Variants in RALYL observed in about 807,000 individuals in gnomAD.
The protein encoded by RALYL is RNA-binding Raly-like protein.
A neutral mutation model predicts 35.1 loss-of-function variants in RALYL; 29 were observed. The ratio of observed to expected loss-of-function variants is 0.83; its 90% CI spans 0.61 to 1.13. RALYL has a LOEUF of 1.13. RALYL is among the 50% of genes most tolerant of loss of function. The pLI is 0.00. For synonymous variants in RALYL, 120 were observed against 127.6 expected, an observed-to-expected ratio of 0.94 and a Z score of 0.40; for missense variants, 359 against 360.4, an observed-to-expected ratio of 1.00 and a Z score of 0.03.
chr8:84,912,981 A>AGGAT (rs1191228454), intron 8 of RALYL, among the ~76,000 whole-genome samples: 3,250 of 117,836 alleles, frequency 0.028, 68 homozygotes, highest in African/African-American at 0.047. Flanking sequence ...GTGCAGACCC[A>AGGAT]GGATGGATGG....
intron 1 of RALYL, among the ~76,000 whole-genome samples, chr8:84,479,085 CAAAAAAAAAAAAAAAAAAA>C (rs56799862): frequency 4.6e-4 from 10 of 21,830 alleles, no homozygotes; most frequent in East Asian, 3.0e-3. Context: ...GACTCCGTCT[CAAAAAAAAAAAAAAAAAAA>C]AAAAAAAAAA....
intron 1 of RALYL, among the ~76,000 whole-genome samples, chr8:84,228,334 A>G (rs1306896015): frequency 1.3e-5 from 2 of 152,202 alleles, no homozygotes; most frequent in Non-Finnish European, 2.9e-5. Context: ...GAGAGAGCAC[A>G]TACAAAATTA....
intron 1 of RALYL, among the ~76,000 whole-genome samples, chr8:84,299,474 G>A (rs537406812): frequency 6.6e-6 from 1 of 151,786 alleles, no homozygotes; most frequent in Non-Finnish European, 1.5e-5. Flanking sequence ...GGATGATACT[G>A]GCCTCATAGA....
chr8:84,272,892 C>T (rs1250760714), intron 1 of RALYL, among the ~76,000 whole-genome samples: 1 of 152,124 alleles, frequency 6.6e-6, no homozygotes, highest in African/African-American at 2.4e-5. Context: ...TTTTCCATGT[C>T]TAACCATCCC....
intron 1 of RALYL, among the ~76,000 whole-genome samples, chr8:84,212,955 A>G (rs560910824): frequency 1.3e-5 from 2 of 152,352 alleles, no homozygotes; most frequent in African/African-American, 4.8e-5. Context: ...TAAATGTACC[A>G]AACAAATGAG....
At chr8:84,462,218 CTTAT>C (rs1334793890) in intron 1 of RALYL, among the ~76,000 whole-genome samples, 4 of 150,770 alleles carry the variant, frequency 2.7e-5, no homozygotes, top group South Asian at 4.2e-4. Flanking sequence ...ATGTTCATTG[CTTAT>C]TTGTCATCTG....
At chr8:84,617,127 A>C (rs1333656230) in intron 2 of RALYL, among the ~76,000 whole-genome samples, 7 of 150,710 alleles carry the variant, frequency 4.6e-5, no homozygotes, top group South Asian at 2.1e-4. Flanking sequence ...AATTCTGTGA[A>C]GAAAGTCATT....
chr8:84,665,876 C>T (rs1193296254), intron 2 of RALYL: 2 of 151,966 alleles, frequency 1.3e-5, no homozygotes, highest in African/African-American at 4.8e-5. Context: ...AAACACAAGT[C>T]TTGACTAAGC....
rs183488240 is a variant in RALYL at position 84,676,521 on chromosome 8, A to G, written c.257-98058A>G. Among the ~76,000 whole-genome samples the G allele has an allele frequency of 3.3e-5, 5 of 152,304 alleles. No homozygotes were observed. In the East Asian group the frequency reaches 9.6e-4, roughly 29 times the overall value. On this transcript the variant is annotated intron_variant, in intron 2 of 8. Coordinates refer to ENST00000521268, the MANE Select transcript of RALYL (RefSeq NM_173848.7). Reference sequence around the variant, plus strand: ...AGCATTTAGTTATGTGAGCAAACTGATTTCACAATGAGTCCATGAGATAAC... The same window carrying G: ...AGCATTTAGTTATGTGAGCAAACTGGTTTCACAATGAGTCCATGAGATAAC...
chr8:84,667,889 G>C (rs921162710), intron 2 of RALYL, among the ~76,000 whole-genome samples: 2 of 152,146 alleles, frequency 1.3e-5, no homozygotes, highest in African/African-American at 4.8e-5. Context: ...ATAACCTAGG[G>C]AGGATGGCAG....
chr8:84,904,509 A>G (rs1846169400), intron 8 of RALYL, among the ~76,000 whole-genome samples: 1 of 152,300 alleles, frequency 6.6e-6, no homozygotes, highest in African/African-American at 2.4e-5. Context: ...CTATAAGAAA[A>G]TAATTTCAAA....
intron 8 of RALYL, among the ~76,000 whole-genome samples, chr8:84,911,996 A>G (rs1007880926): frequency 6.6e-6 from 1 of 152,060 alleles, no homozygotes; most frequent in Non-Finnish European, 1.5e-5. Flanking sequence ...TGAGAACCTC[A>G]TTAAATTTCA....
intron 3 of RALYL, among the ~76,000 whole-genome samples, chr8:84,788,635 TA>T: frequency 6.6e-6 from 1 of 152,260 alleles, no homozygotes; most frequent in East Asian, 1.9e-4. Context: ...GTTAATTTTC[TA>T]AAAGGGCAAC....
chr8:84,213,984 T>A (rs1820176289), intron 1 of RALYL, among the ~76,000 whole-genome samples: 1 of 152,178 alleles, frequency 6.6e-6, no homozygotes, highest in Non-Finnish European at 1.5e-5. Flanking sequence ...TTAAGGATTA[T>A]TAAAGTTCCT....
chr8:84,638,921 T>C (rs1825703137), intron 2 of RALYL, among the ~76,000 whole-genome samples: 1 of 85,696 alleles, frequency 1.2e-5, no homozygotes, highest in Non-Finnish European at 2.5e-5. Flanking sequence ...TATATATATA[T>C]TCTCTCACAA....
chr8:84,685,752 T>A (rs993302794), intron 2 of RALYL, among the ~76,000 whole-genome samples: 7 of 152,114 alleles, frequency 4.6e-5, no homozygotes, highest in Non-Finnish European at 1.0e-4. Context: ...AAAATAAGAA[T>A]CTAATGAAAA....
At chr8:84,344,406 G>A (rs1313304829) in intron 1 of RALYL, among the ~76,000 whole-genome samples, 1 of 151,964 alleles carries the variant, frequency 6.6e-6, no homozygotes, top group Non-Finnish European at 1.5e-5. Flanking sequence ...CAGGAGCTGG[G>A]CAGCGACATA....
chr8:84,745,230 C>T (rs1301744334), intron 2 of RALYL, among the ~76,000 whole-genome samples: 2 of 152,074 alleles, frequency 1.3e-5, no homozygotes, highest in African/African-American at 4.8e-5. Context: ...CCTTCCAAAG[C>T]CCACTTCCAC....
At chr8:84,345,099 CTTTT>C (rs762172839) in intron 1 of RALYL, among the ~76,000 whole-genome samples, 2 of 136,152 alleles carry the variant, frequency 1.5e-5, no homozygotes, top group African/African-American at 5.3e-5. Context: ...CTTTCTTTCT[CTTTT>C]TTTTTTTTTT....
Sources: gnomAD v4.1 joint callset for allele counts (sites outside exome capture counted in the v4.1 genomes callset) on GRCh38, gnomAD v4.1.1 for gene constraint, MANE v1.5 for transcripts, NCBI Gene and HGNC (gene_info 2026-07-23, HGNC 2026-07-21) for gene names.